The following BTG4 variants were observed in gnomAD, a reference collection of about 807,000 sequenced individuals.
BTG4 encodes the protein protein BTG4.
Under a neutral mutation model 19.3 loss-of-function variants are expected in BTG4, and 10 were observed. The observed-to-expected ratio is 0.52, with a 90% CI of 0.32 to 0.88. BTG4 has a LOEUF of 0.88. BTG4 is among the 40% of genes least tolerant of loss of function. The pLI is 0.04. For missense variants in BTG4, 238 were observed against 281.9 expected (o/e 0.84, Z 1.11); for synonymous variants, 91 against 95.7 (o/e 0.95, Z 0.29).
At chr11:111,463,267 A>G (rs1031181169), downstream of BTG4, 2 of 152,738 alleles carry the variant, frequency 1.3e-5, no homozygotes, top group Non-Finnish European at 2.9e-5. Context: ...CACGTGGGAC[A>G]GGTGGGGACC....
the BTG4 span, chr11:111,416,834 T>C: frequency 1.3e-5 from 2 of 152,372 alleles, no homozygotes; most frequent in African/African-American, 4.8e-5. Context: ...CCTGAGCAGA[T>C]GAAAAACTCA....
intron 1 of BTG4, among the ~76,000 whole-genome samples, chr11:111,499,552 CTT>C (rs1484676746): frequency 6.6e-6 from 1 of 152,174 alleles, no homozygotes; most frequent in African/African-American, 2.4e-5. Flanking sequence ...CTATTATAAT[CTT>C]ATCTTTTATA....
At chr11:111,430,884 A>T in the BTG4 span, among the ~76,000 whole-genome samples, 1 of 152,214 alleles carries the variant, frequency 6.6e-6, no homozygotes, top group Non-Finnish European at 1.5e-5. Context: ...TCACATCACA[A>T]TGCAACCCTT....
At position 111,499,870 on chromosome 11, in the gene BTG4, G is replaced by A. The variant is rs150573738; in HGVS notation, c.-26-1068C>T. On this transcript the variant is annotated intron_variant, in intron 1 of 4. Coordinates refer to ENST00000692032, the MANE Select transcript of BTG4 (RefSeq NM_001367975.1). ...AAAATTCAGATTCTTGGCCAGGCGC[G>A]GTGGCTCATGCCTATAATCCCAACA... Among the ~76,000 whole-genome samples the A allele has an allele frequency of 2.6e-3, 396 of 152,194 alleles. 3 individuals carry two copies. The highest frequency in any genetic ancestry group is 9.1e-3 in the African/African-American group (380 of 41,536).
rs558258441 is a variant in BTG4 at position 111,487,056 on chromosome 11, G to A, written c.662+8107C>T. ...TTCTCATTGTTCAGCTCCAACTTATGAGTGAGAACATGCAGTGCTTGACAT... is the reference window on the plus strand; with the variant it reads ...TTCTCATTGTTCAGCTCCAACTTATAAGTGAGAACATGCAGTGCTTGACAT... On this transcript the variant is annotated intron_variant, in intron 5 of 5. Coordinates refer to the BTG4 transcript ENST00000356018. 9.9e-5 allele frequency among the ~76,000 whole-genome samples: 15 copies of A among 152,112 alleles called. No individual in the cohort carries two copies. The South Asian group carries it at 2.9e-3, about 30-fold the overall frequency.
intron 5 of BTG4, among the ~76,000 whole-genome samples, chr11:111,487,980 C>A (rs1326712366): frequency 1.3e-5 from 2 of 152,080 alleles, no homozygotes; most frequent in African/African-American, 4.8e-5. Context: ...TGGAGACGTT[C>A]CATGTTCATG....
intron 5 of BTG4, among the ~76,000 whole-genome samples, chr11:111,470,736 G>C (rs1044243353): frequency 6.6e-6 from 1 of 152,080 alleles, no homozygotes; most frequent in African/African-American, 2.4e-5. Context: ...GGGCAACACA[G>C]TGAGACCCCA....
the BTG4 span, among the ~76,000 whole-genome samples, chr11:111,410,053 TAAGTCAG>T: frequency 6.6e-6 from 1 of 152,332 alleles, no homozygotes; most frequent in Admixed American, 6.5e-5. Flanking sequence ...TTTGCACTGT[TAAGTCAG>T]AAGACATAGT....
At chr11:111,490,288 T>A (rs1383563254), downstream of BTG4, among the ~76,000 whole-genome samples, 3 of 115,210 alleles carry the variant, frequency 2.6e-5, no homozygotes, top group African/African-American at 5.5e-5. Context: ...ATAAAAAAAA[T>A]AAATAAAAAA....
the BTG4 span, among the ~76,000 whole-genome samples, chr11:111,446,624 A>AACACACACACACACACAC: frequency 2.0e-3 from 300 of 146,932 alleles, 1 homozygote; most frequent in African/African-American, 7.3e-3. Context: ...GACACCAATA[A>AACACACACACACACACAC]ACACACACAC....
At chr11:111,413,573 T>A in the BTG4 span, among the ~76,000 whole-genome samples, 3 of 152,242 alleles carry the variant, frequency 2.0e-5, no homozygotes. Flanking sequence ...AGGCTTACAG[T>A]CATACCTAGT....
chr11:111,492,016 A>G (rs1865451893), downstream of BTG4, among the ~76,000 whole-genome samples: 1 of 152,126 alleles, frequency 6.6e-6, no homozygotes, highest in South Asian at 2.1e-4. Context: ...ATGCTCATGG[A>G]TGGCTGCCTC....
At chr11:111,398,340 G>C in the BTG4 span, among the ~76,000 whole-genome samples, 1 of 152,198 alleles carries the variant, frequency 6.6e-6, no homozygotes, top group African/African-American at 2.4e-5. Context: ...GTAAGACCTT[G>C]GTCCTTTAGC....
intron 5 of BTG4, among the ~76,000 whole-genome samples, chr11:111,471,407 A>G (rs1864054332): frequency 6.6e-6 from 1 of 152,196 alleles, no homozygotes; most frequent in Admixed American, 6.5e-5. Flanking sequence ...ATTCCCACAA[A>G]TCACAGAGAA....
the BTG4 span, among the ~76,000 whole-genome samples, chr11:111,447,823 G>A: frequency 6.6e-6 from 1 of 152,210 alleles, no homozygotes; most frequent in East Asian, 1.9e-4. Flanking sequence ...CCCATGGGTG[G>A]CAGAGGCTGC....
chr11:111,442,045 C>A, the BTG4 span, among the ~76,000 whole-genome samples: 1 of 151,680 alleles, frequency 6.6e-6, no homozygotes, highest in South Asian at 2.1e-4. Flanking sequence ...GGTGACAGAG[C>A]AAGACTCCAT....
At chr11:111,418,184 A>G in the BTG4 span, 5 of 152,262 alleles carry the variant, frequency 3.3e-5, no homozygotes, top group Non-Finnish European at 5.9e-5. Flanking sequence ...GTCTGCCAGC[A>G]GCACCTTAAG....
At chr11:111,460,789 T>C in the BTG4 span, among the ~76,000 whole-genome samples, 1 of 152,208 alleles carries the variant, frequency 6.6e-6, no homozygotes, top group Non-Finnish European at 1.5e-5. Flanking sequence ...TTTGAAAATA[T>C]GAAACAATAC....
At chr11:111,513,377 A>G (rs1179883522), upstream of BTG4, 4 of 533,118 alleles carry the variant, frequency 7.5e-6, no homozygotes, top group South Asian at 2.8e-5. Flanking sequence ...AACTCAACCA[A>G]TGAATTGCCT....
Sources: gnomAD v4.1 joint callset for allele counts (sites outside exome capture counted in the v4.1 genomes callset) on GRCh38, gnomAD v4.1.1 for gene constraint, MANE v1.5 for transcripts, NCBI Gene and HGNC (gene_info 2026-07-23, HGNC 2026-07-21) for gene names.